Variants in MED13 observed in about 807,000 individuals in gnomAD.
MED13 encodes mediator complex subunit 13, also known as mediator of RNA polymerase II transcription subunit 13.
Under a neutral mutation model 225.2 loss-of-function variants are expected in MED13, and 23 were observed. The ratio of observed to expected loss-of-function variants is 0.10; its 90% CI spans 0.07 to 0.14. The LOEUF (loss-of-function observed/expected upper bound fraction) is 0.14. MED13 is among the 10% of genes least tolerant of loss of function. MED13 has a pLI of 1.00. For missense variants in MED13, 2,197 were observed against 2,594.5 expected (o/e 0.85, Z 3.33); for synonymous variants, 942 against 889.2 (o/e 1.06, Z -1.06).
chr17:61,967,788 G>T (rs1251430463), intron 18 of MED13, among the ~76,000 whole-genome samples: 2 of 152,048 alleles, frequency 1.3e-5, no homozygotes, highest in African/African-American at 2.4e-5. Flanking sequence ...ACATTAAAAG[G>T]GATATATATC....
At position 61,962,961 on chromosome 17, in the gene MED13, G is replaced by A. The variant is rs762726170; in HGVS notation, c.4855C>T (p.Arg1619Trp). The A allele has an allele frequency of 8.1e-6, 13 of 1,613,774 alleles. No individual in the cohort carries two copies. Among genetic ancestry groups the A allele is most frequent in the African/African-American group, 2.7e-5 (2 of 74,870 alleles). Residue 1619 changes from arginine (R) to tryptophan (W), a missense_variant, in exon 21 of 30, where the codon CGG (arginine) becomes TGG (tryptophan). Arg to Trp is a moderately radical substitution (Grantham distance 101). Transcript: ENST00000397786. ...TCTGTGGGGATTCCCACTTTATCCC[G>A]ATCCATCGTGCTAAAATTTAAGGTA... Reference protein sequence around the residue: ...HPDVSESTMDRDKVGIPTDGD... With the variant: ...HPDVSESTMDWDKVGIPTDGD...
At chr17:62,022,010 T>C (rs957933369) in intron 8 of MED13, among the ~76,000 whole-genome samples, 1 of 151,802 alleles carries the variant, frequency 6.6e-6, no homozygotes, top group Admixed American at 6.6e-5. Flanking sequence ...CTACTAAAAA[T>C]ACAACAATTA....
At chr17:61,996,800 C>T (rs1329071260) in intron 9 of MED13, among the ~76,000 whole-genome samples, 1 of 152,124 alleles carries the variant, frequency 6.6e-6, no homozygotes, top group East Asian at 1.9e-4. Flanking sequence ...TCATAGTTGA[C>T]TGTCACTCAC....
intron 3 of MED13, among the ~76,000 whole-genome samples, chr17:62,038,815 T>C (rs886141234): frequency 6.6e-6 from 1 of 151,176 alleles, no homozygotes; most frequent in East Asian, 1.9e-4. Flanking sequence ...AGGTGTGCGC[T>C]ACCACACCCA....
intron 28 of MED13, among the ~76,000 whole-genome samples, chr17:61,947,567 G>A (rs761088946): frequency 3.9e-5 from 6 of 152,188 alleles, no homozygotes; most frequent in African/African-American, 4.8e-5. Flanking sequence ...ACATACCTAC[G>A]TCTAGCACTG....
rs773208113 is a variant in MED13, at chr17:62,011,200, T to C, written c.1317A>G (p.Gln439=). The part of the protein sequence containing the change: ...HKNLKSRNAG[Q]QGQAPSLGQQ... ...GACCTAAAGATGGTGCCTGTCCTTG[T>C]TGTCCAGCATTTCTTGACTTGAGAT... The change falls in exon 9 of 30, where the codon CAA becomes CAG. Residue 439 remains glutamine, a synonymous_variant. Coordinates refer to ENST00000397786, the MANE Select transcript of MED13 (RefSeq NM_005121.3). The C allele has an allele frequency of 1.3e-5, 21 of 1,609,062 alleles. No homozygotes were observed. The highest frequency in any genetic ancestry group is 6.8e-5 in the Admixed American group (4 of 58,860).
At chr17:61,946,816 C>A (rs2079855053) in intron 29 of MED13, 101 bp downstream of exon 29, 1 of 1,193,586 alleles carries the variant, frequency 8.4e-7, no homozygotes, top group Admixed American at 1.8e-5. Context: ...CACTGGTACA[C>A]AACTGTAAAT....
intron 24 of MED13, 141 bp downstream of exon 24, chr17:61,956,198 G>T: frequency 1.3e-6 from 1 of 783,990 alleles, no homozygotes; most frequent in Non-Finnish European, 1.9e-6. Flanking sequence ...TTTGAATTAA[G>T]CCATTTGTGG....
At chr17:62,050,536 A>G (rs2080947805) in intron 3 of MED13, among the ~76,000 whole-genome samples, 1 of 152,082 alleles carries the variant, frequency 6.6e-6, no homozygotes, top group Non-Finnish European at 1.5e-5. Flanking sequence ...ATCCTAAATG[A>G]TAACTCAAGA....
chr17:61,990,849 C>T (rs918603743), intron 11 of MED13, among the ~76,000 whole-genome samples: 1 of 152,044 alleles, frequency 6.6e-6, no homozygotes, highest in Non-Finnish European at 1.5e-5. Context: ...AATACCCAAA[C>T]AGTACCTACA....
In MED13 at chr17:61,982,320, C is replaced by T. The variant is rs767871008; in HGVS notation, c.3683G>A (p.Cys1228Tyr). The T allele has an allele frequency of 6.2e-7, 1 of 1,614,086 alleles. No homozygotes were observed. The highest frequency in any genetic ancestry group is 2.2e-5 in the East Asian group (1 of 44,902). ...SNWVRVEERD[C>Y]CNDCYLALEH... is the part of the protein sequence containing the mutation. ...TAATGCAAGGTAGCAGTCATTGCAA[C>T]AGTCACGCTCTTCAACACGTACCCA... The change falls in exon 16 of 30, where the codon TGT (cysteine) becomes TAT (tyrosine). Residue 1228 changes from cysteine to tyrosine, a missense_variant. Around this residue, in one of 12 missense-constraint regions of MED13, gnomAD observed 203 missense variants for 209.7 expected, o/e 0.97. Transcript: ENST00000397786.
intron 4 of MED13, 93 bp downstream of exon 4, chr17:62,035,370 G>T: frequency 1.9e-6 from 2 of 1,069,592 alleles, no homozygotes; most frequent in East Asian, 2.6e-5. Flanking sequence ...AAAGATCAGG[G>T]GGAATTCCAT....
rs2080049668 is a variant in MED13, at chr17:61,965,477, T to TA, written c.4382-10dup. ...GGAAGCAAGATAAGGACCTAAAGAA[T>TA]AAAAACAGGTACGAAATTTAATTCT... On this transcript the variant is annotated splice_polypyrimidine_tract_variant and intron_variant, in intron 19 of 29. Transcript: ENST00000397786. 1 of 1,594,490 alleles carries TA rather than the reference T, an allele frequency of 6.3e-7. No individual in the cohort carries two copies. The highest frequency in any genetic ancestry group is 1.4e-5 in the African/African-American group (1 of 73,938).
rs1158849712 is a variant in MED13 at position 62,033,890 on chromosome 17, T to C, written c.711A>G (p.Lys237=). The C allele has an allele frequency of 1.2e-5, 20 of 1,614,002 alleles. No individual in the cohort carries two copies. The highest frequency in any genetic ancestry group is 1.7e-5 in the Non-Finnish European group (20 of 1,180,018). ...SATKKLIGEW[K]QFYPISCCLK... The stretch of plus-strand genomic sequence containing the variant: ...AGCAACATGAGATAGGATAGAACTG[T>C]TTCCATTCACCAATTAATTTTTTTG... The change falls in exon 5 of 30, where the codon AAA becomes AAG. Residue 237 remains lysine, a synonymous_variant. Transcript: ENST00000397786.
At chr17:62,003,194 T>C (rs888358014) in intron 9 of MED13, among the ~76,000 whole-genome samples, 1 of 150,614 alleles carries the variant, frequency 6.6e-6, no homozygotes, top group Non-Finnish European at 1.5e-5. Context: ...TAGAACAATT[T>C]ATATTCCATA....
intron 9 of MED13, among the ~76,000 whole-genome samples, chr17:62,001,169 T>A (rs1176544659): frequency 6.6e-6 from 1 of 152,206 alleles, no homozygotes; most frequent in African/African-American, 2.4e-5. Context: ...GTAAAAACAA[T>A]GGTACAGACA....
At position 62,029,922 on chromosome 17, in the gene MED13, T is replaced by C; in HGVS notation, c.1101A>G (p.Ile367Met). The C allele has an allele frequency of 1.2e-6, 2 of 1,614,092 alleles. No individual in the cohort carries two copies. The highest frequency in any genetic ancestry group is 1.7e-6 in the Non-Finnish European group (2 of 1,180,000). ...CCACATGATTTGCTAATTTTCTGGG[T>C]ATTTTCCCACCATGGTGGCTAGTAC... ...SDSTSHHGGK[I>M]PRKLANHVVD... is the part of the protein sequence containing the mutation. The change falls in exon 7 of 30, where the codon ATA (isoleucine) becomes ATG (methionine). Residue 367 changes from isoleucine to methionine, a missense_variant. By Grantham distance (10) the Ile-to-Met change is conservative. This residue lies in a region of MED13 where 884 missense variants were observed against 918.5 expected (regional missense o/e 0.96). Coordinates refer to ENST00000397786, the MANE Select transcript of MED13 (RefSeq NM_005121.3).
chr17:61,999,620 A>T (rs1402211192), intron 9 of MED13, among the ~76,000 whole-genome samples: 1 of 152,240 alleles, frequency 6.6e-6, no homozygotes, highest in African/African-American at 2.4e-5. Flanking sequence ...GAGAAATTTT[A>T]CTTTTACAAA....
intron 28 of MED13, 53 bp from the exon 29 acceptor site, chr17:61,947,070 A>G: frequency 1.6e-6 from 2 of 1,278,676 alleles, no homozygotes; most frequent in Non-Finnish European, 2.3e-6. Context: ...ATAATCTGCT[A>G]TTTAGTTTTA....
Sources: gnomAD v4.1 joint callset for allele counts (sites outside exome capture counted in the v4.1 genomes callset) on GRCh38, gnomAD v4.1.1 for gene constraint, gnomAD v4.1.1 regional missense constraint, MANE v1.5 for transcripts, NCBI Gene and HGNC (gene_info 2026-07-23, HGNC 2026-07-21) for gene names.